Variants in ADAMTS14 observed in about 807,000 individuals in gnomAD.
The protein encoded by ADAMTS14 is ADAM metallopeptidase with thrombospondin type 1 motif 14, also known as A disintegrin and metalloproteinase with thrombospondin motifs 14.
Under a neutral mutation model 128.6 loss-of-function variants are expected in ADAMTS14, and 100 were observed. That is an observed-to-expected ratio of 0.78 (90% CI 0.66 to 0.92). ADAMTS14 has a LOEUF of 0.92. ADAMTS14 is among the 40% of genes least tolerant of loss of function. The probability of loss-of-function intolerance (pLI) is 0.00; values close to 1 mark genes in which losing one functional copy is unlikely to be tolerated. For missense variants in ADAMTS14, 1,562 were observed against 1,658.6 expected, an observed-to-expected ratio of 0.94 and a Z score of 1.01; for synonymous variants, 665 against 653.8, an observed-to-expected ratio of 1.02 and a Z score of -0.26.
chr10:70,696,708 A>G (rs1287365767), intron 2 of ADAMTS14, among the ~76,000 whole-genome samples: 3 of 152,166 alleles, frequency 2.0e-5, no homozygotes, highest in Non-Finnish European at 4.4e-5. Flanking sequence ...AAGTTTAATA[A>G]TAACTGGAGC....
chr10:70,732,613 C>T (rs1841682874), intron 7 of ADAMTS14, among the ~76,000 whole-genome samples: 1 of 152,202 alleles, frequency 6.6e-6, no homozygotes, highest in East Asian at 1.9e-4. Context: ...AATCCCAGGG[C>T]CATAGGGGAC....
intron 2 of ADAMTS14, among the ~76,000 whole-genome samples, chr10:70,688,217 C>G (rs1302893907): frequency 2.0e-5 from 1 of 49,794 alleles, no homozygotes; most frequent in Non-Finnish European, 4.0e-5. Context: ...AGGCGCTCCT[C>G]ACATCCCAGA....
At chr10:70,676,743 C>T (rs1839658662) in intron 2 of ADAMTS14, among the ~76,000 whole-genome samples, 2 of 152,206 alleles carry the variant, frequency 1.3e-5, no homozygotes, top group Admixed American at 1.3e-4. Context: ...GGTCACCCCG[C>T]TGGCTAGAGC....
rs75465280 is a variant in ADAMTS14 at position 70,761,080 on chromosome 10, G to A, written c.*227G>A. ...GGAGATACCTCAGCAAGCTGCCCCC[G>A]GCGGGACTGACCCTCTCAGGGCCCC... On this transcript the variant is annotated 3_prime_UTR_variant, in exon 22 of 22. Transcript: ENST00000373207. 4.5e-3 allele frequency: 2,745 copies of A among 608,816 alleles called. 60 individuals carry two copies. The African/African-American group carries it at 0.045, about 10-fold the overall frequency. The allele number at this position is 608,816 out of a possible 1,614,324, so 37.7% of individuals were successfully genotyped here. A position where few individuals can be genotyped will look rare whatever the true frequency, so the allele number is the denominator to read the frequency against.
At chr10:70,732,506 C>A in intron 7 of ADAMTS14, 147 bp downstream of exon 7, 1 of 696,118 alleles carries the variant, frequency 1.4e-6, no homozygotes, top group Non-Finnish European at 2.4e-6. Flanking sequence ...TGCGGCATGG[C>A]CTCCTGCAGT....
intron 2 of ADAMTS14, among the ~76,000 whole-genome samples, chr10:70,688,740 G>T (rs1840075600): frequency 1.6e-5 from 1 of 61,096 alleles, no homozygotes; most frequent in East Asian, 2.8e-4. Flanking sequence ...GCCTGCAATC[G>T]CAGGCATTCG....
In ADAMTS14 at chr10:70,753,848, G is replaced by C; in HGVS notation, c.2778G>C (p.Leu926=). ...CCTGCAGCCGGAGCTGTGGGAAGCT[G>C]GGGGTGCAGACACGGGGGATACAGT... ...WGACSRSCGK[L]GVQTRGIQCL... is the part of the protein sequence containing the mutation. Residue 926 remains leucine, a synonymous_variant, in exon 19 of 22, where the codon CTG becomes CTC. Transcript: ENST00000373207. 6.3e-7 allele frequency: 1 copy of C among 1,593,940 alleles called. No individual in the cohort carries two copies.
At chr10:70,696,290 G>A (rs1840330943) in intron 2 of ADAMTS14, among the ~76,000 whole-genome samples, 1 of 151,774 alleles carries the variant, frequency 6.6e-6, no homozygotes, top group Non-Finnish European at 1.5e-5. Flanking sequence ...AGAGGAGAAG[G>A]GGCCCAGCTG....
intron 3 of ADAMTS14, among the ~76,000 whole-genome samples, chr10:70,705,482 C>G (rs1840636024): frequency 6.6e-6 from 1 of 152,252 alleles, no homozygotes; most frequent in Non-Finnish European, 1.5e-5. Flanking sequence ...CCATTTTAAC[C>G]ATTTTGAGGC....
chr10:70,707,904 C>T (rs1840716200), intron 3 of ADAMTS14, among the ~76,000 whole-genome samples: 1 of 152,218 alleles, frequency 6.6e-6, no homozygotes, highest in African/African-American at 2.4e-5. Flanking sequence ...GCTTCGGTGG[C>T]AGAATCGAAT....
At chr10:70,726,356 A>G (rs1196612027) in intron 4 of ADAMTS14, among the ~76,000 whole-genome samples, 1 of 152,226 alleles carries the variant, frequency 6.6e-6, no homozygotes, top group African/African-American at 2.4e-5. Flanking sequence ...TCTGGCAGCA[A>G]TTCACATGGT....
chr10:70,681,779 C>T (rs1032096963), intron 2 of ADAMTS14, among the ~76,000 whole-genome samples: 1 of 152,248 alleles, frequency 6.6e-6, no homozygotes, highest in African/African-American at 2.4e-5. Flanking sequence ...CTCCCAGACA[C>T]CCAGCTGGCT....
chr10:70,741,252 C>T (rs1163054733), intron 12 of ADAMTS14, 90 bp downstream of exon 12: 4 of 1,450,710 alleles, frequency 2.8e-6, no homozygotes, highest in Non-Finnish European at 3.7e-6. Context: ...CCCCTACATA[C>T]ACCAGTGAAG....
rs781774622 is a variant in ADAMTS14, at chr10:70,749,948, A to G, written c.2390A>G (p.Lys797Arg). 6 of 1,614,138 alleles carry G rather than the reference A, an allele frequency of 3.7e-6. No individual in the cohort carries two copies. In the South Asian group the frequency reaches 5.5e-5, roughly 15 times the overall value. The stretch of plus-strand genomic sequence containing the variant: ...GTGGAGGATGCCAAGGAAAGCCTCA[A>G]GACCAGCGGGCCCCTGCCTGAAGCC... ...DAVEDAKESL[K>R]TSGPLPEAIA... is the part of the protein sequence containing the mutation. The change falls in exon 16 of 22, where the codon AAG (lysine) becomes AGG (arginine). Residue 797 changes from lysine (K) to arginine (R), a missense_variant. Physicochemically the swap from Lys to Arg is conservative, Grantham distance 26 (BLOSUM62 2). Transcript: ENST00000373207.
intron 2 of ADAMTS14, among the ~76,000 whole-genome samples, chr10:70,693,704 A>C (rs528536419): frequency 1.3e-5 from 2 of 152,272 alleles, no homozygotes; most frequent in East Asian, 1.9e-4. Flanking sequence ...ACTGAGAAAG[A>C]CTTTTGCTGT....
In ADAMTS14 at chr10:70,758,047, A is replaced by G. The variant is rs1205347366; in HGVS notation, c.3023A>G (p.Asp1008Gly). The stretch of plus-strand genomic sequence containing the variant: ...AACAGCCTCGGGCATTGCGAGGGGG[A>G]TAGGCCAGACACTGTCCAGGTCTGC... ...NANSLGHCEGDRPDTVQVCSL... is the reference protein window; with the variant it reads ...NANSLGHCEGGRPDTVQVCSL... Residue 1008 changes from aspartate to glycine, a missense_variant, in exon 20 of 22, where the codon GAT (aspartate) becomes GGT (glycine). Transcript: ENST00000373207. 1.2e-6 allele frequency: 2 copies of G among 1,613,632 alleles called. No individual in the cohort carries two copies. Among genetic ancestry groups the G allele is most frequent in the South Asian group, 1.1e-5 (1 of 90,994 alleles).
rs1241633818 is a variant in ADAMTS14 at position 70,754,003 on chromosome 10, C to T, written c.2933C>T (p.Ser978Phe). ...GCCCAGTGGAGGCTGGGAGCCTGGT[C>T]CCAGGTGACTTGTCCTCAGGAGGTG... The part of the protein sequence containing the change: ...CPAQWRLGAW[S>F]QCSATCGEGI... The change falls in exon 19 of 22, where the codon TCC becomes TTC. Residue 978 changes from serine (S) to phenylalanine (F), a missense_variant. Coordinates refer to ENST00000373207, the MANE Select transcript of ADAMTS14 (RefSeq NM_080722.4). 6.4e-7 allele frequency: 1 copy of T among 1,559,246 alleles called. No homozygotes were observed. The highest frequency in any genetic ancestry group is 8.7e-7 in the Non-Finnish European group (1 of 1,155,454).
In ADAMTS14 at chr10:70,738,903, G is replaced by C; in HGVS notation, c.1661G>C (p.Gly554Ala). 1 of 1,614,130 alleles carries C rather than the reference G, an allele frequency of 6.2e-7. No individual in the cohort carries two copies. Among genetic ancestry groups the C allele is most frequent in the Non-Finnish European group, 8.5e-7 (1 of 1,180,016 alleles). ...GAGCAGACATATGGCCAGGATGGAGGCTGGAGCTCCTGGACCAAGTTTGGG... is the reference window on the plus strand; with the variant it reads ...GAGCAGACATATGGCCAGGATGGAGCCTGGAGCTCCTGGACCAAGTTTGGG... ...SPEQTYGQDG[G>A]WSSWTKFGSC... The change falls in exon 11 of 22, where the codon GGC (glycine) becomes GCC (alanine). Residue 554 changes from glycine to alanine, a missense_variant. Gly to Ala is a moderately conservative substitution (Grantham distance 60). Coordinates refer to ENST00000373207, the MANE Select transcript of ADAMTS14 (RefSeq NM_080722.4).
intron 4 of ADAMTS14, among the ~76,000 whole-genome samples, chr10:70,718,843 TTTC>T (rs996040114): frequency 2.2e-4 from 33 of 151,838 alleles, no homozygotes; most frequent in African/African-American, 4.6e-4. Flanking sequence ...CTTGCCTAAT[TTTC>T]TTCTTCTTCT....
Sources: allele counts gnomAD v4.1 joint callset (sites outside exome capture counted in the v4.1 genomes callset), GRCh38; gene constraint gnomAD v4.1.1; transcripts MANE v1.5; gene names NCBI Gene and HGNC (gene_info 2026-07-23, HGNC 2026-07-21).